Variants in OR2T2 observed in about 807,000 individuals in gnomAD.
OR2T2 encodes the protein olfactory receptor 2T2.
For synonymous variants in OR2T2, 50 were observed against 162.7 expected (o/e 0.31, Z 5.27); for missense variants, 138 against 409.1 (o/e 0.34, Z 5.72).
rs867834583 is a variant in OR2T2, at chr1:248,455,011, A to G, written c.*1239A>G. Reference sequence around the variant, plus strand: ...CTTCATTGATATGCTGAAGACAAGTATTTTTGTAATTAGTTGGAGTTAGGT... The same window carrying G: ...CTTCATTGATATGCTGAAGACAAGTGTTTTTGTAATTAGTTGGAGTTAGGT... On this transcript the variant is annotated 3_prime_UTR_variant, in exon 3 of 3. Coordinates refer to ENST00000642130, the Ensembl canonical transcript of OR2T2. 10 of 151,244 alleles carry G rather than the reference A, an allele frequency of 6.6e-5. No homozygotes were observed. The South Asian group carries it at 1.9e-3, about 28-fold the overall frequency. The allele number at this position is 151,244 out of a possible 1,614,324, so 9.4% of individuals were successfully genotyped here.
chr1:248,452,990 A>T (rs781442078), exon 3 of OR2T2: 1 of 1,612,910 alleles, frequency 6.2e-7, no homozygotes, highest in Non-Finnish European at 8.5e-7. Flanking sequence ...CTTCTTGCTC[A>T]GCCAGCTCTC....
intron 2 of OR2T2, chr1:248,449,342 C>T (rs1392523290): frequency 6.6e-6 from 1 of 152,234 alleles, no homozygotes; most frequent in African/African-American, 2.4e-5. Flanking sequence ...CTAAGCTCTT[C>T]TCCCTGGTAG....
intron 2 of OR2T2, among the ~76,000 whole-genome samples, chr1:248,449,920 T>TG (rs1419722668): frequency 7.3e-6 from 1 of 136,570 alleles, no homozygotes; most frequent in Non-Finnish European, 1.5e-5. Flanking sequence ...GATGACCTGA[T>TG]GGGGAATGGA....
intron 1 of OR2T2, 48 bp downstream of exon 1, chr1:248,445,717 G>A (rs1351972769): frequency 6.6e-6 from 1 of 152,052 alleles, no homozygotes; most frequent in Non-Finnish European, 1.5e-5. Context: ...CCCAGATACT[G>A]GGATGTTTTC....
chr1:248,449,813 T>TTTC (rs1398347419), intron 2 of OR2T2, among the ~76,000 whole-genome samples: 1 of 123,964 alleles, frequency 8.1e-6, no homozygotes, highest in Non-Finnish European at 1.5e-5. Flanking sequence ...GCTTTTTCTT[T>TTTC]TTCTTTTTCT....
At chr1:248,450,843 TTAAA>T (rs1311927415) in intron 2 of OR2T2, among the ~76,000 whole-genome samples, 4 of 143,740 alleles carry the variant, frequency 2.8e-5, no homozygotes, top group South Asian at 2.4e-4. Flanking sequence ...AATTGTATAT[TTAAA>T]TAGTCTCTTG....
At chr1:248,447,060 C>T (rs1248845330) in intron 2 of OR2T2, among the ~76,000 whole-genome samples, 2 of 151,892 alleles carry the variant, frequency 1.3e-5, no homozygotes, top group Non-Finnish European at 2.9e-5. Flanking sequence ...AATAAATAGG[C>T]AGATAAAGGG....
At position 248,446,950 on chromosome 1, in the gene OR2T2, A is replaced by G. The variant is rs1008435402; in HGVS notation, c.-23+139A>G. On this transcript the variant is annotated intron_variant, in intron 2 of 2. Coordinates refer to ENST00000642130, the Ensembl canonical transcript of OR2T2. ...TTTTTTTAAAGCCAAGAAAACTTCT[A>G]TCTTATGCCTAATTTTCCACACTGA... The G allele has an allele frequency of 2.4e-4, 35 of 143,574 alleles. 1 individual carries two copies. 8.9% of individuals were successfully genotyped at this position (143,574 alleles called of 1,614,324 possible).
At chr1:248,449,933 C>T (rs1488057492) in intron 2 of OR2T2, among the ~76,000 whole-genome samples, 1 of 133,394 alleles carries the variant, frequency 7.5e-6, no homozygotes, top group African/African-American at 3.4e-5. Flanking sequence ...GGAATGGAAT[C>T]TAGGATCTTG....
chr1:248,447,080 C>G (rs1301374868), intron 2 of OR2T2, among the ~76,000 whole-genome samples: 2 of 152,028 alleles, frequency 1.3e-5, no homozygotes, highest in Non-Finnish European at 2.9e-5. Context: ...GGGGTGGTAA[C>G]TAAGGCAGTA....
At chr1:248,453,725 G>T (rs760148046) in exon 3 of OR2T2, 1 of 1,609,868 alleles carries the variant, frequency 6.2e-7, no homozygotes, top group Non-Finnish European at 8.5e-7. Context: ...AGGGAGATGT[G>T]GTTCCTCCCA....
chr1:248,449,946 T>C (rs1233549816), intron 2 of OR2T2, among the ~76,000 whole-genome samples: 1 of 138,854 alleles, frequency 7.2e-6, no homozygotes, highest in Non-Finnish European at 1.5e-5. Context: ...GGATCTTGTA[T>C]GTGTGAATAA....
chr1:248,446,679 CCCCTGCACA>C (rs1436595414), exon 2 of OR2T2: 2 of 148,210 alleles, frequency 1.3e-5, no homozygotes, highest in Non-Finnish European at 2.9e-5. Flanking sequence ...CAGAAGCATT[CCCCTGCACA>C]TCCACATCAC....
chr1:248,447,461 T>G (rs1254435179), intron 2 of OR2T2, among the ~76,000 whole-genome samples: 1 of 137,986 alleles, frequency 7.2e-6, no homozygotes, highest in Non-Finnish European at 1.5e-5. Flanking sequence ...GCCTTCACTT[T>G]CCAGCCGCAC....
At chr1:248,450,281 C>A (rs577117996) in intron 2 of OR2T2, among the ~76,000 whole-genome samples, 1 of 133,508 alleles carries the variant, frequency 7.5e-6, no homozygotes, top group South Asian at 2.5e-4. Flanking sequence ...ATACCATGCT[C>A]ACACACTCAC....
At chr1:248,447,227 C>CG (rs1400209270) in intron 2 of OR2T2, among the ~76,000 whole-genome samples, 1 of 149,686 alleles carries the variant, frequency 6.7e-6, no homozygotes, top group Non-Finnish European at 1.5e-5. Flanking sequence ...TAAAAGCAGA[C>CG]GGAGTACAGG....
exon 3 of OR2T2, chr1:248,453,010 T>C: frequency 6.2e-7 from 1 of 1,613,294 alleles, no homozygotes; most frequent in South Asian, 1.1e-5. Context: ...CCATCATGGA[T>C]ACCATCTACA....
chr1:248,449,869 C>T (rs1283943306), intron 2 of OR2T2, among the ~76,000 whole-genome samples: 2 of 122,472 alleles, frequency 1.6e-5, no homozygotes, highest in Non-Finnish European at 3.1e-5. Flanking sequence ...TGAAGGGGAA[C>T]CTAAGTGTCT....
At chr1:248,453,111 A>G (rs1662847345) in exon 3 of OR2T2, 4 of 1,613,194 alleles carry the variant, frequency 2.5e-6, no homozygotes, top group Non-Finnish European at 2.5e-6. Flanking sequence ...ATCTTCCTCT[A>G]CCTGACCCTG....
Sources: allele counts gnomAD v4.1 joint callset (sites outside exome capture counted in the v4.1 genomes callset), GRCh38; gene constraint gnomAD v4.1.1; transcripts MANE v1.5; gene names NCBI Gene and HGNC (gene_info 2026-07-23, HGNC 2026-07-21).